The following ZNF138 variants were observed in gnomAD, a reference collection of about 807,000 sequenced individuals.
ZNF138 encodes zinc finger protein 138.
In ZNF138, 33 loss-of-function variants were observed where a neutral mutation model predicts 33.0. That is an observed-to-expected ratio of 1.00 (90% CI 0.76 to 1.34). The LOEUF (loss-of-function observed/expected upper bound fraction) is 1.34. Ranked by LOEUF, ZNF138 falls within the 40% of genes most tolerant of loss-of-function variation. The probability of loss-of-function intolerance (pLI) is 0.00; values close to 1 mark genes in which losing one functional copy is unlikely to be tolerated. For synonymous variants in ZNF138, 139 were observed against 120.4 expected (o/e 1.15, Z -1.01); for missense variants, 360 against 370.8 (o/e 0.97, Z 0.24).
In ZNF138 at chr7:64,795,258, A is replaced by G. The variant is rs1583753592; in HGVS notation, c.3+687A>G. Among the ~76,000 whole-genome samples the G allele has an allele frequency of 6.6e-5, 10 of 152,144 alleles. No individual in the cohort carries two copies. The South Asian group carries it at 1.9e-3, about 28-fold the overall frequency. ...TTACAAAAAAATGCATTTGAGTTAG[A>G]TTTTTTTAAAACCAGAAACCCTGGG... On this transcript the variant is annotated intron_variant, in intron 1 of 3. Transcript: ENST00000307355.
At chr7:64,822,445 A>AT (rs74272564) in intron 3 of ZNF138, among the ~76,000 whole-genome samples, 5 of 151,386 alleles carry the variant, frequency 3.3e-5, no homozygotes, top group Admixed American at 1.3e-4. Flanking sequence ...AGGTCTAAAC[A>AT]TTTTTTTTAA....
At chr7:64,809,547 CCCCCCCCACCTCCCTCCCAGAT>C (rs1787941188) in intron 1 of ZNF138, among the ~76,000 whole-genome samples, 1 of 334 alleles carries the variant, frequency 3.0e-3, no homozygotes, top group Non-Finnish European at 8.1e-3. Context: ...AGGGGGCTGA[CCCCCCCCACCTCCCTCCCAGAT>C]GGGGCGGCTG....
At chr7:64,860,062 G>A in the ZNF138 span, among the ~76,000 whole-genome samples, 1 of 152,160 alleles carries the variant, frequency 6.6e-6, no homozygotes, top group East Asian at 1.9e-4. Flanking sequence ...GCTTGAACTC[G>A]GGAGGCGGAG....
At chr7:64,838,880 AAAGG>A in the ZNF138 span, among the ~76,000 whole-genome samples, 1 of 141,514 alleles carries the variant, frequency 7.1e-6, no homozygotes, top group South Asian at 2.3e-4. Context: ...GGCAGAGAAA[AAAGG>A]AAGTAAGATG....
Position 64,814,868 on chromosome 7 carries a change from A to G in ZNF138, c.4-50A>G, listed in dbSNP as rs556195031. On this transcript the variant is annotated intron_variant, in intron 1 of 3. Coordinates refer to ENST00000307355, the MANE Select transcript of ZNF138 (RefSeq NM_001271639.2). ...TTGAGTCAAATTTAAAATTCTGCCC[A>G]TGGCTACTTGGTTAATGTGTGTGTG... 2.3e-4 allele frequency: 374 copies of G among 1,606,494 alleles called. 1 individual carries two copies. Among genetic ancestry groups the G allele is most frequent in the Non-Finnish European group, 3.0e-4 (352 of 1,175,952 alleles).
At position 64,831,837 on chromosome 7, in the gene ZNF138, GA is replaced by G; in HGVS notation, c.596del (p.Glu199GlyfsTer45). 6.2e-7 allele frequency: 1 copy of G among 1,613,808 alleles called. No individual in the cohort carries two copies. ...HTRENFYKCE[E>X]CGKTFNWSTN... ...TAGAGAGAATTTCTACAAATGTGAA[GA>G]GTGTGGAAAAACCTTTAACTGGTCC... is the stretch of plus-strand genomic sequence containing the variant. On this transcript the variant is annotated frameshift_variant, in exon 4 of 4. Coordinates refer to ENST00000307355, the MANE Select transcript of ZNF138 (RefSeq NM_001271639.2). LOFTEE classifies it high-confidence loss of function.
chr7:64,800,741 G>A (rs1787074265), intron 1 of ZNF138, among the ~76,000 whole-genome samples: 1 of 152,144 alleles, frequency 6.6e-6, no homozygotes, highest in Non-Finnish European at 1.5e-5. Context: ...TTTTGGAATA[G>A]TTTTAGAAAG....
At chr7:64,848,231 G>T in the ZNF138 span, among the ~76,000 whole-genome samples, 511 of 152,156 alleles carry the variant, frequency 3.4e-3, 3 homozygotes, top group African/African-American at 0.012. Context: ...TAATCTGATA[G>T]GTTTTTCTTT....
the ZNF138 span, among the ~76,000 whole-genome samples, chr7:64,848,735 C>T: frequency 1.2e-4 from 14 of 117,368 alleles, no homozygotes; most frequent in African/African-American, 1.8e-4. Context: ...GAGACAGTCT[C>T]GCTCTGTCGC....
chr7:64,803,511 A>T (rs770269827), intron 1 of ZNF138, among the ~76,000 whole-genome samples: 11 of 152,224 alleles, frequency 7.2e-5, no homozygotes, highest in Non-Finnish European at 1.5e-4. Flanking sequence ...TATGAACTGA[A>T]CAGTGGAGTC....
intron 1 of ZNF138, among the ~76,000 whole-genome samples, chr7:64,810,242 G>A (rs1281695714): frequency 2.0e-5 from 3 of 150,418 alleles, no homozygotes; most frequent in Non-Finnish European, 4.4e-5. Flanking sequence ...GATCACTTGC[G>A]GTTAGGGGCT....
intron 1 of ZNF138, among the ~76,000 whole-genome samples, chr7:64,799,676 T>C (rs1187239924): frequency 1.3e-5 from 2 of 152,122 alleles, no homozygotes; most frequent in Non-Finnish European, 2.9e-5. Context: ...GGAGTTTCGC[T>C]CTTGTTGCCC....
downstream of ZNF138, chr7:64,835,410 A>T (rs1210359107): frequency 6.6e-6 from 1 of 152,102 alleles, no homozygotes; most frequent in Admixed American, 6.6e-5. Flanking sequence ...CCGCTGGCGG[A>T]GAAACTGTAC....
At chr7:64,795,791 TCAG>T (rs2087993745) in intron 1 of ZNF138, among the ~76,000 whole-genome samples, 1 of 152,168 alleles carries the variant, frequency 6.6e-6, no homozygotes, top group South Asian at 2.1e-4. Flanking sequence ...TAGTCACTCT[TCAG>T]TTTTTTCCTT....
the ZNF138 span, among the ~76,000 whole-genome samples, chr7:64,857,802 G>A: frequency 1.3e-5 from 2 of 152,246 alleles, no homozygotes; most frequent in East Asian, 1.9e-4. Flanking sequence ...CGTTAAAGTC[G>A]CAATAGCACC....
downstream of ZNF138, among the ~76,000 whole-genome samples, chr7:64,838,039 T>C (rs1790412289): frequency 6.6e-6 from 1 of 152,074 alleles, no homozygotes. Context: ...CTGGGTCTGC[T>C]AAAAGATGGC....
the ZNF138 span, among the ~76,000 whole-genome samples, chr7:64,844,746 G>A: frequency 6.6e-6 from 1 of 152,154 alleles, no homozygotes; most frequent in East Asian, 1.9e-4. Flanking sequence ...GAGTACACTG[G>A]CACAATCTCT....
downstream of ZNF138, chr7:64,833,745 G>A (rs1254004535): frequency 1.3e-5 from 2 of 151,844 alleles, no homozygotes; most frequent in African/African-American, 4.8e-5. Context: ...TTTTTTAAAT[G>A]AGACTACGTA....
At chr7:64,837,388 T>C (rs1366217101), downstream of ZNF138, among the ~76,000 whole-genome samples, 1 of 152,062 alleles carries the variant, frequency 6.6e-6, no homozygotes, top group Non-Finnish European at 1.5e-5. Flanking sequence ...GGTCCGGGCT[T>C]TGGAAGGCTG....
Sources: gnomAD v4.1 joint callset for allele counts (sites outside exome capture counted in the v4.1 genomes callset) on GRCh38, gnomAD v4.1.1 for gene constraint, MANE v1.5 for transcripts, NCBI Gene and HGNC (gene_info 2026-07-23, HGNC 2026-07-21) for gene names.